SKIC8: variants seen among roughly 807,000 people sequenced by gnomAD.
SKIC8 encodes SKI8 subunit of superkiller complex.
the SKIC8 span, chr15:78,289,551 A>T: frequency 7.9e-7 from 1 of 1,261,836 alleles, no homozygotes; most frequent in Non-Finnish European, 1.1e-6. Context: ...ATGGCATTTC[A>T]ATGAAAGAAT....
At chr15:78,293,005 C>T in the SKIC8 span, 2 of 813,402 alleles carry the variant, frequency 2.5e-6, no homozygotes, top group Non-Finnish European at 3.8e-6. Flanking sequence ...TACAGAGTAA[C>T]AGGAAAACAA....
the SKIC8 span, chr15:78,295,333 C>T: frequency 5.3e-6 from 3 of 561,454 alleles, no homozygotes; most frequent in East Asian, 3.1e-5. Flanking sequence ...CCTGCCTAAC[C>T]GTCTATTAAC....
chr15:78,294,833 G>T, the SKIC8 span: 1 of 1,223,214 alleles, frequency 8.2e-7, no homozygotes, highest in Non-Finnish European at 1.2e-6. Flanking sequence ...CAATTCTTCT[G>T]CAAAGTGAGT....
the SKIC8 span, chr15:78,288,481 T>A: frequency 5.1e-6 from 6 of 1,185,760 alleles, no homozygotes; most frequent in East Asian, 1.5e-4. Context: ...AGCCACTGAG[T>A]TGAAATGCTC....
the SKIC8 span, chr15:78,294,840 G>T: frequency 7.7e-7 from 1 of 1,296,440 alleles, no homozygotes; most frequent in Non-Finnish European, 1.1e-6. Flanking sequence ...TCTGCAAAGT[G>T]AGTATACTTG....
chr15:78,295,862 T>TG, the SKIC8 span: 42 of 643,950 alleles, frequency 6.5e-5, no homozygotes, highest in Non-Finnish European at 1.0e-4. Context: ...GATCAGTCCC[T>TG]GGAACCTCCT....
chr15:78,286,720 A>C, the SKIC8 span: 2 of 152,366 alleles, frequency 1.3e-5, no homozygotes, highest in Non-Finnish European at 2.9e-5. Flanking sequence ...CATAAGACCT[A>C]ACTGAGGTCA....
the SKIC8 span, chr15:78,295,223 G>A: frequency 5.3e-6 from 3 of 570,182 alleles, no homozygotes; most frequent in Non-Finnish European, 9.3e-6. Context: ...CACTCAACAA[G>A]AGACCAATAA....
the SKIC8 span, chr15:78,286,428 G>C: frequency 3.7e-6 from 1 of 272,630 alleles, no homozygotes; most frequent in Non-Finnish European, 6.9e-6. Context: ...CACTACAGAG[G>C]CTTCGCAAGC....
chr15:78,292,802 C>A, the SKIC8 span: 2 of 1,611,764 alleles, frequency 1.2e-6, no homozygotes, highest in Admixed American at 3.3e-5. Context: ...CAACAGGGGA[C>A]AGAGAAATGG....
chr15:78,292,790 T>G, the SKIC8 span: 2 of 1,613,140 alleles, frequency 1.2e-6, no homozygotes, highest in Non-Finnish European at 1.7e-6. Context: ...TCATCACGCC[T>G]TCAACAGGGG....
At chr15:78,297,477 A>G in the SKIC8 span, among the ~76,000 whole-genome samples, 8,850 of 152,302 alleles carry the variant, frequency 0.058, 297 homozygotes, top group Middle Eastern at 0.13. Flanking sequence ...AATTTTATCA[A>G]AATACAAAAA....
chr15:78,289,021 T>C, the SKIC8 span: 1 of 396,548 alleles, frequency 2.5e-6, no homozygotes, highest in Admixed American at 3.3e-5. Flanking sequence ...AACACACACA[T>C]ACATAATGTG....
chr15:78,289,755 G>A, the SKIC8 span: 34 of 1,582,182 alleles, frequency 2.1e-5, no homozygotes, highest in African/African-American at 4.0e-5. Flanking sequence ...TTCAGACTCC[G>A]TGTTGTTAAG....
the SKIC8 span, chr15:78,285,917 T>C: frequency 6.6e-6 from 5 of 752,108 alleles, no homozygotes; most frequent in East Asian, 1.4e-4. Flanking sequence ...TTTTAAGAAC[T>C]GCAGAAAAGA....
chr15:78,295,934 C>T, the SKIC8 span: 1 of 422,572 alleles, frequency 2.4e-6, no homozygotes, highest in African/African-American at 2.0e-5. Flanking sequence ...ACTCAACTAA[C>T]AGCTAATTCT....
At chr15:78,293,085 C>T in the SKIC8 span, 3 of 1,251,598 alleles carry the variant, frequency 2.4e-6, no homozygotes, top group Non-Finnish European at 3.4e-6. Flanking sequence ...AAAAGTATTT[C>T]CCGGACTGCA....
chr15:78,289,626 G>A, the SKIC8 span: 3 of 1,611,036 alleles, frequency 1.9e-6, no homozygotes, highest in Non-Finnish European at 2.5e-6. Flanking sequence ...TACCTTCCAG[G>A]GTATGCAGAA....
At chr15:78,289,936 G>A in the SKIC8 span, 1 of 1,611,322 alleles carries the variant, frequency 6.2e-7, no homozygotes, top group Non-Finnish European at 8.5e-7. Flanking sequence ...AGAACAGAGA[G>A]CAATGTTTCC....
Sources: allele counts gnomAD v4.1 joint callset (sites outside exome capture counted in the v4.1 genomes callset), GRCh38; gene constraint gnomAD v4.1.1; transcripts MANE v1.5; gene names NCBI Gene and HGNC (gene_info 2026-07-23, HGNC 2026-07-21).